Variants in BMPR1B observed in about 807,000 individuals in gnomAD.
The protein encoded by BMPR1B is bone morphogenetic protein receptor type 1B, also known as bone morphogenetic protein receptor type-1B.
A neutral mutation model predicts 59.1 loss-of-function variants in BMPR1B; 12 were observed. The ratio of observed to expected loss-of-function variants is 0.20; its 90% CI spans 0.13 to 0.33. The LOEUF is 0.33. BMPR1B is among the 10% of genes least tolerant of loss of function. The pLI, the probability that BMPR1B is intolerant of heterozygous loss-of-function variation, is 1.00. For synonymous variants in BMPR1B, 237 were observed against 207.3 expected, an observed-to-expected ratio of 1.14 and a Z score of -1.23; for missense variants, 550 against 610.9, an observed-to-expected ratio of 0.90 and a Z score of 1.05.
chr4:94,773,544 A>T (rs575203792), intron 1 of BMPR1B, among the ~76,000 whole-genome samples: 29 of 152,132 alleles, frequency 1.9e-4, no homozygotes, highest in Non-Finnish European at 2.5e-4. Context: ...TAATTCTGCC[A>T]CAATAAATAC....
At chr4:94,991,802 A>G (rs1041382018) in intron 2 of BMPR1B, among the ~76,000 whole-genome samples, 2 of 152,228 alleles carry the variant, frequency 1.3e-5, no homozygotes, top group Non-Finnish European at 2.9e-5. Flanking sequence ...TGATTAGAAG[A>G]TGAAAGTAAT....
intron 2 of BMPR1B, among the ~76,000 whole-genome samples, chr4:94,925,891 A>G (rs1195346067): frequency 6.6e-6 from 1 of 152,130 alleles, no homozygotes; most frequent in Non-Finnish European, 1.5e-5. Context: ...TAAGAATTCA[A>G]TGAATGGTAG....
chr4:94,967,932 T>C (rs1332580490), intron 2 of BMPR1B, among the ~76,000 whole-genome samples: 1 of 152,212 alleles, frequency 6.6e-6, no homozygotes, highest in East Asian at 1.9e-4. Flanking sequence ...TTAGAGAACA[T>C]GAGATATGGC....
intron 3 of BMPR1B, among the ~76,000 whole-genome samples, chr4:95,047,102 A>G (rs1030739511): frequency 2.0e-5 from 3 of 152,208 alleles, no homozygotes; most frequent in Non-Finnish European, 4.4e-5. Context: ...CAAAGGTAAT[A>G]TAGAGTCCTC....
At chr4:94,815,847 C>T (rs910584162) in intron 1 of BMPR1B, among the ~76,000 whole-genome samples, 1 of 152,182 alleles carries the variant, frequency 6.6e-6, no homozygotes, top group Non-Finnish European at 1.5e-5. Context: ...CAATTTTTCT[C>T]TTTCTGCACT....
At chr4:94,943,034 A>C (rs1299755012) in intron 2 of BMPR1B, among the ~76,000 whole-genome samples, 1 of 152,192 alleles carries the variant, frequency 6.6e-6, no homozygotes, top group Non-Finnish European at 1.5e-5. Context: ...CTAGAAAATT[A>C]TAACAATTAG....
chr4:94,845,414 C>T (rs1578712397), intron 1 of BMPR1B, among the ~76,000 whole-genome samples: 2 of 151,344 alleles, frequency 1.3e-5, no homozygotes, highest in South Asian at 2.1e-4. Flanking sequence ...GCGATCTTGG[C>T]TCACTGCAAG....
At chr4:95,130,567 A>G (rs1733255522) in intron 9 of BMPR1B, among the ~76,000 whole-genome samples, 1 of 152,078 alleles carries the variant, frequency 6.6e-6, no homozygotes, top group African/African-American at 2.4e-5. Context: ...CTTATGTGTA[A>G]CCATAATACC....
At chr4:95,092,075 G>A (rs1393101580) in intron 3 of BMPR1B, among the ~76,000 whole-genome samples, 1 of 151,950 alleles carries the variant, frequency 6.6e-6, no homozygotes, top group Non-Finnish European at 1.5e-5. Flanking sequence ...AAATTCATAG[G>A]TTATAAAGGT....
rs114704034 is a variant in BMPR1B, at chr4:94,818,768, G to C, written c.-182-57063G>C. ...CCTCACTTGAAGAAATGTTTTATTA[G>C]TCTAGACTGATTTTGGGGGAGGGGA... On this transcript the variant is annotated intron_variant, in intron 1 of 12. Transcript: ENST00000515059. 6.3e-3 allele frequency among the ~76,000 whole-genome samples: 963 copies of C among 152,162 alleles called. 10 individuals are homozygous for C. The highest frequency in any genetic ancestry group is 0.022 in the African/African-American group (895 of 41,498).
At chr4:95,108,095 T>A (rs1731323369) in intron 4 of BMPR1B, among the ~76,000 whole-genome samples, 2 of 152,096 alleles carry the variant, frequency 1.3e-5, no homozygotes, top group African/African-American at 4.8e-5. Flanking sequence ...CTTAGAAAAA[T>A]TAATTTTTAA....
intron 3 of BMPR1B, among the ~76,000 whole-genome samples, chr4:95,100,431 T>G (rs1730735064): frequency 6.6e-6 from 1 of 152,170 alleles, no homozygotes; most frequent in Non-Finnish European, 1.5e-5. Flanking sequence ...AATGCCATAC[T>G]TATTTTTTAT....
chr4:94,966,310 A>G (rs1560571249), intron 2 of BMPR1B, among the ~76,000 whole-genome samples: 1 of 152,206 alleles, frequency 6.6e-6, no homozygotes, highest in South Asian at 2.1e-4. Context: ...TAACCTACTT[A>G]TAAATATTTA....
intron 3 of BMPR1B, among the ~76,000 whole-genome samples, chr4:94,999,941 A>G (rs1202046048): frequency 6.6e-6 from 1 of 152,232 alleles, no homozygotes; most frequent in Non-Finnish European, 1.5e-5. Flanking sequence ...GACGTTTAAA[A>G]AAAGTAGTTG....
At chr4:94,829,423 G>A (rs1373755812) in intron 1 of BMPR1B, among the ~76,000 whole-genome samples, 2 of 149,010 alleles carry the variant, frequency 1.3e-5, no homozygotes, top group East Asian at 2.0e-4. Flanking sequence ...ACAGGCACAC[G>A]CCACTATGCC....
rs564468258 is a variant in BMPR1B, at chr4:95,108,594, C to T, written c.143+4027C>T. Among the ~76,000 whole-genome samples the T allele has an allele frequency of 2.0e-5, 3 of 152,050 alleles. No individual in the cohort carries two copies. In the South Asian group the frequency reaches 6.2e-4, roughly 32 times the overall value. The stretch of plus-strand genomic sequence containing the variant: ...TACCATTAATTACTCTATCAGCCTT[C>T]GCCAAGGCCAGAGTCATTCTTGGCT... On this transcript the variant is annotated intron_variant, in intron 4 of 12. Coordinates refer to ENST00000515059, the MANE Select transcript of BMPR1B (RefSeq NM_001203.3).
At chr4:95,040,252 G>C (rs1262035600) in intron 3 of BMPR1B, among the ~76,000 whole-genome samples, 1 of 152,038 alleles carries the variant, frequency 6.6e-6, no homozygotes, top group Non-Finnish European at 1.5e-5. Flanking sequence ...TTTTCATATG[G>C]TGTATGGAGA....
chr4:94,915,948 C>A (rs1728467174), intron 2 of BMPR1B, among the ~76,000 whole-genome samples: 1 of 152,100 alleles, frequency 6.6e-6, no homozygotes, highest in South Asian at 2.1e-4. Flanking sequence ...GTGTGTGGCA[C>A]CTCCTTTCTC....
At chr4:94,954,809 C>T (rs1270717018) in intron 2 of BMPR1B, among the ~76,000 whole-genome samples, 4 of 152,018 alleles carry the variant, frequency 2.6e-5, no homozygotes, top group Non-Finnish European at 5.9e-5. Context: ...TAGAATAGTT[C>T]CTGATGCATA....
Sources: allele counts gnomAD v4.1 joint callset (sites outside exome capture counted in the v4.1 genomes callset), GRCh38; gene constraint gnomAD v4.1.1; transcripts MANE v1.5; gene names NCBI Gene and HGNC (gene_info 2026-07-23, HGNC 2026-07-21).